CDK14: variants seen among roughly 807,000 people sequenced by gnomAD.
CDK14 encodes the protein cyclin dependent kinase 14.
Under a neutral mutation model 60.7 loss-of-function variants are expected in CDK14, and 34 were observed. The observed-to-expected ratio is 0.56, with a 90% confidence interval of 0.43 to 0.75. The LOEUF is 0.75. CDK14 is among the 30% of genes least tolerant of loss of function. The pLI is 0.00. For synonymous variants in CDK14, 197 were observed against 203.7 expected, an observed-to-expected ratio of 0.97 and a Z score of 0.28; for missense variants, 482 against 564.1, an observed-to-expected ratio of 0.85 and a Z score of 1.47.
chr7:90,731,814 A>G (rs1802877367), intron 3 of CDK14, among the ~76,000 whole-genome samples: 2 of 152,184 alleles, frequency 1.3e-5, no homozygotes, highest in African/African-American at 4.8e-5. Context: ...CTGTTTTCCT[A>G]ATTGAATACA....
chr7:90,807,208 G>A (rs1423818021), intron 5 of CDK14, among the ~76,000 whole-genome samples: 1 of 152,212 alleles, frequency 6.6e-6, no homozygotes, highest in East Asian at 1.9e-4. Context: ...GTAAGTGGGA[G>A]GCACCACCCA....
At chr7:91,019,489 A>T (rs1796384760) in intron 10 of CDK14, among the ~76,000 whole-genome samples, 1 of 152,224 alleles carries the variant, frequency 6.6e-6, no homozygotes, top group African/African-American at 2.4e-5. Context: ...TAGTCTTTTT[A>T]GATCTTGAAA....
At chr7:90,731,210 A>G (rs1802852603) in intron 3 of CDK14, among the ~76,000 whole-genome samples, 1 of 152,118 alleles carries the variant, frequency 6.6e-6, no homozygotes, top group Non-Finnish European at 1.5e-5. Flanking sequence ...TCATTGGTCT[A>G]TATATCTGTT....
chr7:90,859,834 G>A (rs1473102541), intron 5 of CDK14, among the ~76,000 whole-genome samples: 1 of 151,896 alleles, frequency 6.6e-6, no homozygotes, highest in African/African-American at 2.4e-5. Flanking sequence ...AGGGATCAAG[G>A]ACCTGCTCAG....
chr7:91,070,040 TC>T (rs1798092998), intron 11 of CDK14, among the ~76,000 whole-genome samples: 1 of 152,130 alleles, frequency 6.6e-6, no homozygotes, highest in Admixed American at 6.5e-5. Flanking sequence ...CAAGCAATCC[TC>T]CCACCTCGGC....
intron 12 of CDK14, 110 bp downstream of exon 12, chr7:91,079,590 T>C: frequency 1.2e-6 from 1 of 809,502 alleles, no homozygotes. Context: ...GTGTATTTAT[T>C]CATTCATTTA....
chr7:90,653,115 A>G (rs368488678), intron 2 of CDK14, among the ~76,000 whole-genome samples: 61 of 152,108 alleles, frequency 4.0e-4, no homozygotes, highest in African/African-American at 1.4e-3. Context: ...TGTTGGGTGT[A>G]TATAATTTTG....
At chr7:91,002,712 T>C (rs1248282881) in intron 10 of CDK14, among the ~76,000 whole-genome samples, 1 of 152,202 alleles carries the variant, frequency 6.6e-6, no homozygotes, top group African/African-American at 2.4e-5. Flanking sequence ...CACCATGTGT[T>C]AAGTGCTGAA....
intron 9 of CDK14, chr7:90,979,289 C>A (rs539435186): frequency 1.3e-5 from 2 of 152,240 alleles, no homozygotes; most frequent in South Asian, 4.1e-4. Context: ...TTAGACTTTT[C>A]TTCTATTGTC....
chr7:90,798,404 A>C (rs150126956), intron 5 of CDK14, among the ~76,000 whole-genome samples: 4 of 152,332 alleles, frequency 2.6e-5, no homozygotes, highest in Non-Finnish European at 5.9e-5. Flanking sequence ...CTGTGTATCT[A>C]ATGGTAGAAT....
intron 11 of CDK14, among the ~76,000 whole-genome samples, chr7:91,049,298 A>G (rs1468611661): frequency 6.6e-6 from 1 of 152,210 alleles, no homozygotes; most frequent in Non-Finnish European, 1.5e-5. Flanking sequence ...TCCTTGTCTT[A>G]TGCTCTCTTG....
At chr7:90,928,011 C>A (rs1793471838) in intron 8 of CDK14, among the ~76,000 whole-genome samples, 1 of 147,230 alleles carries the variant, frequency 6.8e-6, no homozygotes, top group Non-Finnish European at 1.5e-5. Flanking sequence ...AAATAGGCTA[C>A]TAAAGCTTGT....
At chr7:90,650,840 A>T (rs766689684) in intron 2 of CDK14, among the ~76,000 whole-genome samples, 1 of 152,162 alleles carries the variant, frequency 6.6e-6, no homozygotes, top group Non-Finnish European at 1.5e-5. Context: ...TACCACTGCT[A>T]TGCTGTTTTG....
At chr7:90,933,073 C>A (rs550373116) in intron 8 of CDK14, among the ~76,000 whole-genome samples, 2 of 152,198 alleles carry the variant, frequency 1.3e-5, no homozygotes, top group East Asian at 3.9e-4. Flanking sequence ...GGCATGATGG[C>A]TCATGTCTGT....
chr7:90,974,452 T>C (rs1795012729), intron 9 of CDK14, among the ~76,000 whole-genome samples: 1 of 152,210 alleles, frequency 6.6e-6, no homozygotes, highest in African/African-American at 2.4e-5. Flanking sequence ...CTAATAAATG[T>C]CCATGAAATC....
chr7:90,598,704 A>ATTTTTCTT (rs1554416546), intron 1 of CDK14, among the ~76,000 whole-genome samples: 1 of 87,888 alleles, frequency 1.1e-5, no homozygotes, highest in African/African-American at 4.0e-5. Flanking sequence ...TTATCTAAGG[A>ATTTTTCTT]TTTTTTTTTT....
At chr7:90,745,010 T>C (rs968529330) in intron 3 of CDK14, among the ~76,000 whole-genome samples, 23 of 152,260 alleles carry the variant, frequency 1.5e-4, no homozygotes, top group Non-Finnish European at 3.2e-4. Flanking sequence ...TTGCATTTTT[T>C]TTCCATTCCC....
intron 9 of CDK14, 91 bp from the exon 10 acceptor site, chr7:90,984,057 C>G: frequency 1.2e-6 from 1 of 830,160 alleles, no homozygotes. Flanking sequence ...CACCGCTTCT[C>G]TTCTGTAGGA....
intron 5 of CDK14, among the ~76,000 whole-genome samples, chr7:90,830,102 G>C (rs1789867013): frequency 1.3e-5 from 2 of 152,168 alleles, no homozygotes; most frequent in Admixed American, 1.3e-4. Context: ...GTGCCCTAGT[G>C]GTGATTCTGT....
Sources: allele counts gnomAD v4.1 joint callset (sites outside exome capture counted in the v4.1 genomes callset), GRCh38; gene constraint gnomAD v4.1.1; transcripts MANE v1.5; gene names NCBI Gene and HGNC (gene_info 2026-07-23, HGNC 2026-07-21).